The following PLCH1 variants were observed in gnomAD, a reference collection of about 807,000 sequenced individuals.
PLCH1 encodes 1-phosphatidylinositol 4,5-bisphosphate phosphodiesterase eta-1.
Under a neutral mutation model 126.7 loss-of-function variants are expected in PLCH1, and 60 were observed. The observed-to-expected ratio is 0.47, with a 90% confidence interval of 0.38 to 0.59. The LOEUF (loss-of-function observed/expected upper bound fraction) is 0.59. Ranked by LOEUF, PLCH1 falls within the 20% of genes least tolerant of loss-of-function variation. The pLI is 0.00. For missense variants in PLCH1, 1,723 were observed against 2,040.0 expected (o/e 0.84, Z 2.99); for synonymous variants, 719 against 734.9 (o/e 0.98, Z 0.35).
intron 2 of PLCH1, among the ~76,000 whole-genome samples, chr3:155,655,159 G>C (rs972397615): frequency 6.6e-6 from 1 of 152,168 alleles, no homozygotes; most frequent in African/African-American, 2.4e-5. Flanking sequence ...TCCCCAGCTA[G>C]GTGTGGTGGC....
chr3:155,471,010 T>C (rs1713198270), intron 21 of PLCH1, among the ~76,000 whole-genome samples: 1 of 146,740 alleles, frequency 6.8e-6, no homozygotes, highest in South Asian at 2.2e-4. Flanking sequence ...AGGAAGAAAG[T>C]GCATCAACTA....
chr3:155,497,429 C>A lies in PLCH1; in HGVS notation c.1797-12G>T. The A allele has an allele frequency of 1.3e-6, 2 of 1,571,486 alleles. No homozygotes were observed. The highest frequency in any genetic ancestry group is 1.8e-6 in the Non-Finnish European group (2 of 1,141,434). ...TTCGGCGACCCAATCTGTGAAGTAC[C>A]CACAGAGGATGCATGACATTTTGGA... On this transcript the variant is annotated splice_polypyrimidine_tract_variant and intron_variant, in intron 14 of 22. Transcript: ENST00000460012.
At chr3:155,664,630 G>C (rs2108955871) in intron 2 of PLCH1, among the ~76,000 whole-genome samples, 1 of 152,220 alleles carries the variant, frequency 6.6e-6, no homozygotes, top group Non-Finnish European at 1.5e-5. Flanking sequence ...TGGCCCACAG[G>C]GCGTAGTTTG....
intron 2 of PLCH1, among the ~76,000 whole-genome samples, chr3:155,598,683 A>G (rs73154284): frequency 0.047 from 7,136 of 152,276 alleles, 239 homozygotes; most frequent in Middle Eastern, 0.1. Context: ...CAGATCTGCC[A>G]CTTACTAACT....
intron 1 of PLCH1, among the ~76,000 whole-genome samples, chr3:155,741,328 A>G (rs1189777102): frequency 1.3e-5 from 2 of 152,204 alleles, no homozygotes; most frequent in South Asian, 2.1e-4. Context: ...GTTCAAAGTA[A>G]TGAGTTCTGC....
chr3:155,690,129 G>C (rs1559938057), intron 2 of PLCH1, among the ~76,000 whole-genome samples: 1 of 151,850 alleles, frequency 6.6e-6, no homozygotes, highest in East Asian at 1.9e-4. Flanking sequence ...TTACAAGCCA[G>C]GAGAGAGTAG....
At chr3:155,486,513 GTTTTT>G (rs397733786) in intron 21 of PLCH1, among the ~76,000 whole-genome samples, 2 of 102,032 alleles carry the variant, frequency 2.0e-5, no homozygotes, top group African/African-American at 4.3e-5. Context: ...GCTCAAGTTT[GTTTTT>G]TTTTTTTTTT....
chr3:155,598,793 G>A (rs1317037090), intron 2 of PLCH1, among the ~76,000 whole-genome samples: 1 of 152,168 alleles, frequency 6.6e-6, no homozygotes, highest in East Asian at 1.9e-4. Context: ...GTTAATTCAT[G>A]TAAAGTACTG....
intron 5 of PLCH1, among the ~76,000 whole-genome samples, chr3:155,585,689 C>T (rs1731267260): frequency 6.6e-6 from 1 of 152,134 alleles, no homozygotes; most frequent in Non-Finnish European, 1.5e-5. Flanking sequence ...AAATACAGAG[C>T]TCTTGAGGTT....
intron 8 of PLCH1, among the ~76,000 whole-genome samples, chr3:155,554,738 T>C (rs140618916): frequency 5.1e-4 from 78 of 152,348 alleles, no homozygotes; most frequent in African/African-American, 1.8e-3. Flanking sequence ...CCTCGAGCGC[T>C]GCCAAGATTT....
At chr3:155,521,958 T>G (rs1222069772) in intron 11 of PLCH1, among the ~76,000 whole-genome samples, 1 of 152,218 alleles carries the variant, frequency 6.6e-6, no homozygotes, top group East Asian at 1.9e-4. Context: ...TCTCCTGATG[T>G]GGGTTTCCAG....
intron 10 of PLCH1, among the ~76,000 whole-genome samples, chr3:155,527,529 T>C (rs564826587): frequency 4.6e-5 from 7 of 152,352 alleles, no homozygotes; most frequent in African/African-American, 1.7e-4. Context: ...AAATCATTTA[T>C]ATAATGAAAG....
chr3:155,593,946 A>G lies in PLCH1; in HGVS notation c.465T>C (p.His155=), dbSNP rs1732548548. 6.2e-7 allele frequency: 1 copy of G among 1,614,010 alleles called. No individual in the cohort carries two copies. The highest frequency in any genetic ancestry group is 1.3e-5 in the African/African-American group (1 of 74,942). The change falls in exon 4 of 23, where the codon CAT becomes CAC. Residue 155 remains histidine (H), a synonymous_variant. Coordinates refer to ENST00000460012, the MANE Select transcript of PLCH1 (RefSeq NM_014996.4). ...TAAAGTTCTAGAAAGGATATTGGTC[A>G]TGGGTCCTCTGCCTTTTGGCAAGGG... The part of the protein sequence containing the change: ...EDSLAKRQRT[H]DQWVKQTFEE...
intron 2 of PLCH1, among the ~76,000 whole-genome samples, chr3:155,625,323 A>G (rs778498166): frequency 1.3e-5 from 2 of 152,224 alleles, no homozygotes; most frequent in Admixed American, 6.5e-5. Flanking sequence ...CATCCAGGAC[A>G]TAGGCATGGG....
Position 155,692,016 on chromosome 3 carries a change from C to T in PLCH1, c.79+12130G>A, listed in dbSNP as rs192225305. On this transcript the variant is annotated intron_variant, in intron 2 of 22. Coordinates refer to ENST00000460012, the MANE Select transcript of PLCH1 (RefSeq NM_014996.4). ...ACTGCACTCCAACCTGGCAACAGAG[C>T]GAGACTCTGTCTAAAAAAAAAAAAA... Among the ~76,000 whole-genome samples the T allele has an allele frequency of 3.3e-3, 498 of 148,886 alleles. 2 individuals are homozygous for T. Among genetic ancestry groups the T allele is most frequent in the South Asian group, 0.02 (97 of 4,744 alleles).
intron 1 of PLCH1, among the ~76,000 whole-genome samples, chr3:155,733,752 G>T (rs1192238722): frequency 6.6e-6 from 1 of 151,614 alleles, no homozygotes; most frequent in Non-Finnish European, 1.5e-5. Context: ...TGAATAAAGA[G>T]ACGACCTGTG....
chr3:155,570,178 C>A (rs962076154), intron 6 of PLCH1, among the ~76,000 whole-genome samples: 5 of 152,092 alleles, frequency 3.3e-5, no homozygotes, highest in African/African-American at 9.7e-5. Flanking sequence ...CTTCCCCATC[C>A]CCTGATCTCA....
chr3:155,693,517 A>G (rs1745571323), intron 2 of PLCH1, among the ~76,000 whole-genome samples: 1 of 152,008 alleles, frequency 6.6e-6, no homozygotes, highest in Non-Finnish European at 1.5e-5. Context: ...CTTAAAACAC[A>G]TTATTGAGAT....
chr3:155,647,387 T>C (rs893083738), intron 2 of PLCH1, among the ~76,000 whole-genome samples: 2 of 151,672 alleles, frequency 1.3e-5, no homozygotes, highest in Non-Finnish European at 1.5e-5. Flanking sequence ...AATAAGAATG[T>C]TTCTGGGGAC....
Sources: allele counts gnomAD v4.1 joint callset (sites outside exome capture counted in the v4.1 genomes callset), GRCh38; gene constraint gnomAD v4.1.1; transcripts MANE v1.5; gene names NCBI Gene and HGNC (gene_info 2026-07-23, HGNC 2026-07-21).